CIROZ: variants seen among roughly 807,000 people sequenced by gnomAD.
CIROZ encodes the protein ciliated left-right organizer protein containing ZP-N domains, also known as ciliated left-right organizer ZP-N domains-containing protein.
the CIROZ span, chr1:10,948,646 G>T: frequency 1.2e-6 from 2 of 1,613,648 alleles, no homozygotes; most frequent in Non-Finnish European, 1.7e-6. Context: ...ACTGGACGTG[G>T]CCGCCAGGGA....
chr1:10,948,218 C>A, the CIROZ span: 1 of 1,613,946 alleles, frequency 6.2e-7, no homozygotes, highest in Non-Finnish European at 8.5e-7. Flanking sequence ...GGTCCATGTG[C>A]CCCCTGGCCC....
the CIROZ span, chr1:10,953,961 G>C: frequency 2.6e-6 from 4 of 1,554,852 alleles, no homozygotes; most frequent in Non-Finnish European, 2.6e-6. Context: ...CAAGGAAAGA[G>C]GGTTTGTGTG....
the CIROZ span, chr1:10,948,029 A>T: frequency 6.2e-7 from 1 of 1,613,334 alleles, no homozygotes. Flanking sequence ...GTTCCATAGG[A>T]AGAACTGCCA....
At chr1:10,958,159 C>T in the CIROZ span, among the ~76,000 whole-genome samples, 2 of 152,146 alleles carry the variant, frequency 1.3e-5, no homozygotes, top group South Asian at 2.1e-4. Context: ...GGGCCAGATG[C>T]GGGCAGAGGG....
At chr1:10,968,482 G>A in the CIROZ span, among the ~76,000 whole-genome samples, 1 of 152,218 alleles carries the variant, frequency 6.6e-6, no homozygotes, top group Non-Finnish European at 1.5e-5. Flanking sequence ...TCTTTAGCAA[G>A]AGATCAAGGC....
the CIROZ span, among the ~76,000 whole-genome samples, chr1:10,980,986 A>T: frequency 1.3e-5 from 2 of 152,152 alleles, no homozygotes; most frequent in Non-Finnish European, 2.9e-5. Flanking sequence ...AACCTCACAA[A>T]ACGCCCAACA....
the CIROZ span, among the ~76,000 whole-genome samples, chr1:10,958,059 G>T: frequency 1.3e-5 from 2 of 152,230 alleles, no homozygotes; most frequent in African/African-American, 2.4e-5. Flanking sequence ...CCCCTATGCC[G>T]CCCTGGCTGG....
the CIROZ span, among the ~76,000 whole-genome samples, chr1:10,980,372 C>G: frequency 9.2e-5 from 14 of 152,274 alleles, no homozygotes; most frequent in Non-Finnish European, 2.1e-4. Context: ...CTGTGGCGAG[C>G]CTCTCCCATG....
At chr1:10,949,659 C>G in the CIROZ span, 749 of 1,607,172 alleles carry the variant, frequency 4.7e-4, 1 homozygote, top group Non-Finnish European at 4.3e-4. Flanking sequence ...TGCAGGAGGT[C>G]CCGAGAAAGC....
At chr1:10,951,069 C>T in the CIROZ span, among the ~76,000 whole-genome samples, 1 of 152,152 alleles carries the variant, frequency 6.6e-6, no homozygotes, top group Non-Finnish European at 1.5e-5. Context: ...TTCTTATCCT[C>T]CCCACTGTCC....
chr1:10,980,854 C>T, the CIROZ span, among the ~76,000 whole-genome samples: 4 of 152,378 alleles, frequency 2.6e-5, no homozygotes, highest in South Asian at 4.1e-4. Flanking sequence ...GCTGAGCCCC[C>T]TCATGGGGCA....
At chr1:10,980,043 G>A in the CIROZ span, among the ~76,000 whole-genome samples, 12 of 152,176 alleles carry the variant, frequency 7.9e-5, no homozygotes, top group South Asian at 2.5e-3. Context: ...GCAAAACTCC[G>A]TCTCAAAAAA....
At chr1:10,949,022 C>T in the CIROZ span, 2 of 497,786 alleles carry the variant, frequency 4.0e-6, no homozygotes, top group Non-Finnish European at 3.3e-6. Flanking sequence ...GCCAGGAGTT[C>T]CAGACTGGCC....
chr1:10,964,724 G>A, the CIROZ span, among the ~76,000 whole-genome samples: 18 of 152,290 alleles, frequency 1.2e-4, no homozygotes, highest in Non-Finnish European at 1.6e-4. Flanking sequence ...TCCACCTCCC[G>A]GGTTCAAGCA....
chr1:10,951,544 C>A, the CIROZ span, among the ~76,000 whole-genome samples: 1 of 146,284 alleles, frequency 6.8e-6, no homozygotes, highest in Non-Finnish European at 1.5e-5. Context: ...GAGACTCTGT[C>A]TCGGGGTAAA....
chr1:10,974,339 C>T, the CIROZ span, among the ~76,000 whole-genome samples: 1 of 152,000 alleles, frequency 6.6e-6, no homozygotes, highest in Non-Finnish European at 1.5e-5. The surrounding 1 kb of genome is among the most constrained non-coding windows in gnomAD (Gnocchi z 4.4). Context: ...CGCAGAGAGG[C>T]GATGGGATGA....
the CIROZ span, chr1:10,957,022 C>T: frequency 6.4e-7 from 1 of 1,550,780 alleles, no homozygotes; most frequent in Non-Finnish European, 8.7e-7. Flanking sequence ...CTGGGTCTTA[C>T]CCGGTGGGCA....
chr1:10,951,551 T>TAA, the CIROZ span, among the ~76,000 whole-genome samples: 3 of 125,628 alleles, frequency 2.4e-5, no homozygotes, highest in African/African-American at 5.7e-5. Context: ...TGTCTCGGGG[T>TAA]AAAAAAAAAA....
chr1:10,980,194 A>T, the CIROZ span, among the ~76,000 whole-genome samples: 1 of 152,256 alleles, frequency 6.6e-6, no homozygotes, highest in South Asian at 2.1e-4. Context: ...CAGCCCAGGG[A>T]GGCCAAATGC....
Sources: gnomAD v4.1 joint callset for allele counts (sites outside exome capture counted in the v4.1 genomes callset) on GRCh38, gnomAD v4.1.1 for gene constraint, Gnocchi (gnomAD v3.1) non-coding constraint, MANE v1.5 for transcripts, NCBI Gene and HGNC (gene_info 2026-07-23, HGNC 2026-07-21) for gene names.